The following NRXN1 variants were observed in gnomAD, a reference collection of about 807,000 sequenced individuals.
The protein encoded by NRXN1 is neurexin 1.
A neutral mutation model predicts 150.9 loss-of-function variants in NRXN1; 39 were observed. The observed-to-expected ratio is 0.26, with a 90% CI of 0.20 to 0.34. The LOEUF (loss-of-function observed/expected upper bound fraction) is 0.34, where lower values mean the gene tolerates loss of function less well. Ranked by LOEUF, NRXN1 falls within the 10% of genes least tolerant of loss-of-function variation. The pLI, the probability that NRXN1 is intolerant of heterozygous loss-of-function variation, is 1.00. For missense variants in NRXN1, 1,815 were observed against 1,949.9 expected (o/e 0.93, Z 1.30); for synonymous variants, 924 against 757.0 (o/e 1.22, Z -3.62).
At chr2:50,976,953 T>C (rs2104838937) in intron 2 of NRXN1, among the ~76,000 whole-genome samples, 1 of 152,180 alleles carries the variant, frequency 6.6e-6, no homozygotes, top group African/African-American at 2.4e-5. Context: ...AGATGCCTTC[T>C]TATGCTAAAT....
chr2:50,064,079 T>A (rs185392223), intron 19 of NRXN1, among the ~76,000 whole-genome samples: 9 of 152,178 alleles, frequency 5.9e-5, no homozygotes, highest in African/African-American at 2.2e-4. Context: ...TTATAGTAAA[T>A]TTTGCTTGGA....
intron 18 of NRXN1, among the ~76,000 whole-genome samples, chr2:50,215,589 C>A (rs187440896): frequency 6.6e-6 from 1 of 151,910 alleles, no homozygotes; most frequent in Admixed American, 6.6e-5. Context: ...TATCCACAGG[C>A]CTTAATTTTC....
At chr2:50,821,913 CTTTA>C (rs559733521) in intron 5 of NRXN1, among the ~76,000 whole-genome samples, 85 of 152,138 alleles carry the variant, frequency 5.6e-4, no homozygotes, top group Middle Eastern at 3.4e-3. Flanking sequence ...GAAATGCTTC[CTTTA>C]TTTATTTATT....
At chr2:50,231,188 T>G (rs2152871421) in intron 18 of NRXN1, among the ~76,000 whole-genome samples, 1 of 152,002 alleles carries the variant, frequency 6.6e-6, no homozygotes, top group South Asian at 2.1e-4. Flanking sequence ...GTGCATCTGT[T>G]GATTAGAAAG....
At chr2:50,281,030 C>A (rs1053130899) in intron 17 of NRXN1, among the ~76,000 whole-genome samples, 1 of 151,556 alleles carries the variant, frequency 6.6e-6, no homozygotes, top group East Asian at 1.9e-4. Flanking sequence ...ATAGGCCGGG[C>A]GCGGTGGCTC....
chr2:50,635,013 T>C (rs1683019726), intron 5 of NRXN1, among the ~76,000 whole-genome samples: 3 of 152,108 alleles, frequency 2.0e-5, no homozygotes, highest in Admixed American at 6.5e-5. Flanking sequence ...CCATAGCATC[T>C]GGCTGCTCTA....
intron 5 of NRXN1, among the ~76,000 whole-genome samples, chr2:50,820,139 A>C (rs1669511602): frequency 6.6e-6 from 1 of 152,122 alleles, no homozygotes; most frequent in African/African-American, 2.4e-5. Flanking sequence ...ATGAAAAAAA[A>C]CAAGAATCAT....
intron 8 of NRXN1, among the ~76,000 whole-genome samples, chr2:50,575,028 T>G (rs1257043530): frequency 2.0e-5 from 3 of 152,174 alleles, no homozygotes; most frequent in Admixed American, 6.5e-5. Flanking sequence ...CCAAAACACT[T>G]AACTTACAGG....
At chr2:50,880,817 T>A (rs2103683463) in intron 5 of NRXN1, among the ~76,000 whole-genome samples, 2 of 152,022 alleles carry the variant, frequency 1.3e-5, no homozygotes, top group Middle Eastern at 3.4e-3. Context: ...AAGAGGATAA[T>A]TCACAACAAA....
At chr2:50,434,040 G>C (rs1341320694) in intron 17 of NRXN1, among the ~76,000 whole-genome samples, 7 of 121,026 alleles carry the variant, frequency 5.8e-5, no homozygotes, top group Non-Finnish European at 9.9e-5. Context: ...CGGTATCTAA[G>C]CCATTTTTTT....
intron 21 of NRXN1, among the ~76,000 whole-genome samples, chr2:50,000,710 A>C (rs1416267495): frequency 6.6e-6 from 1 of 152,172 alleles, no homozygotes; most frequent in East Asian, 1.9e-4. Flanking sequence ...ACAGGATATC[A>C]ATGTGGTGAA....
intron 5 of NRXN1, among the ~76,000 whole-genome samples, chr2:50,858,061 G>C (rs1265987535): frequency 1.3e-5 from 2 of 151,546 alleles, no homozygotes; most frequent in South Asian, 2.1e-4. Flanking sequence ...AAGTAGCAGG[G>C]GAAAAGGCTC....
intron 5 of NRXN1, among the ~76,000 whole-genome samples, chr2:50,793,777 T>C (rs943723317): frequency 6.6e-6 from 1 of 151,990 alleles, no homozygotes; most frequent in African/African-American, 2.4e-5. Context: ...GAAACAGGAA[T>C]GCAAAAAGAG....
At chr2:50,417,466 C>T (rs1437187418) in intron 17 of NRXN1, among the ~76,000 whole-genome samples, 3 of 151,964 alleles carry the variant, frequency 2.0e-5, no homozygotes, top group Non-Finnish European at 2.9e-5. Context: ...AGGAAGCCAT[C>T]CATGATTTTT....
intron 21 of NRXN1, among the ~76,000 whole-genome samples, chr2:49,963,569 A>G (rs1200801840): frequency 6.6e-6 from 1 of 152,192 alleles, no homozygotes; most frequent in African/African-American, 2.4e-5. Flanking sequence ...GAGATGTGAA[A>G]TAAGTCTTGA....
At chr2:50,306,432 A>T (rs2074615751) in intron 17 of NRXN1, among the ~76,000 whole-genome samples, 1 of 152,194 alleles carries the variant, frequency 6.6e-6, no homozygotes, top group African/African-American at 2.4e-5. Context: ...TTTGTCTTTA[A>T]CTTAGCAAAC....
chr2:50,777,184 T>C (rs910798239), intron 5 of NRXN1, among the ~76,000 whole-genome samples: 1 of 152,156 alleles, frequency 6.6e-6, no homozygotes, highest in Admixed American at 6.6e-5. Flanking sequence ...TACTAGATTT[T>C]ATATATTGCT....
chr2:50,462,918 G>T (rs1039781163), intron 17 of NRXN1, among the ~76,000 whole-genome samples: 2 of 151,716 alleles, frequency 1.3e-5, no homozygotes, highest in African/African-American at 4.8e-5. Context: ...CTATTTTGGG[G>T]GAGGGAAGGT....
chr2:50,593,091 C>T (rs536714213), intron 8 of NRXN1, among the ~76,000 whole-genome samples: 1 of 152,328 alleles, frequency 6.6e-6, no homozygotes, highest in South Asian at 2.1e-4. Flanking sequence ...ATGAAATTCT[C>T]CCAGATCAGA....
Sources: gnomAD v4.1 joint callset for allele counts (sites outside exome capture counted in the v4.1 genomes callset) on GRCh38, gnomAD v4.1.1 for gene constraint, MANE v1.5 for transcripts, NCBI Gene and HGNC (gene_info 2026-07-23, HGNC 2026-07-21) for gene names.